HMGN3: variants seen among roughly 807,000 people sequenced by gnomAD.
HMGN3 encodes the protein high mobility group nucleosome-binding domain-containing protein 3.
HMGN3 carries 6 observed loss-of-function variants against 18.8 expected under a neutral mutation model. The ratio of observed to expected loss-of-function variants is 0.32; its 90% CI spans 0.18 to 0.63. The LOEUF (loss-of-function observed/expected upper bound fraction) is 0.63. Ranked by LOEUF, HMGN3 falls within the 30% of genes least tolerant of loss-of-function variation. HMGN3 has a pLI of 0.79. For synonymous variants in HMGN3, 40 were observed against 36.5 expected, an observed-to-expected ratio of 1.10 and a Z score of -0.35; for missense variants, 107 against 114.2, an observed-to-expected ratio of 0.94 and a Z score of 0.29.
intron 1 of HMGN3, among the ~76,000 whole-genome samples, chr6:79,216,044 C>A (rs1476396319): frequency 6.6e-6 from 1 of 152,072 alleles, no homozygotes; most frequent in Non-Finnish European, 1.5e-5. Flanking sequence ...AAAATGAGAA[C>A]AAAATTCAAG....
chr6:79,227,246 GATAT>G (rs949083272), intron 1 of HMGN3, among the ~76,000 whole-genome samples: 2 of 152,118 alleles, frequency 1.3e-5, no homozygotes, highest in African/African-American at 4.8e-5. Flanking sequence ...ATTATATGAA[GATAT>G]TTTTAAACAT....
chr6:79,213,281 A>C lies in HMGN3; in HGVS notation c.66+1691T>G, dbSNP rs547599205. Among the ~76,000 whole-genome samples, 195 of 152,166 alleles carry C rather than the reference A, an allele frequency of 1.3e-3. 1 individual carries two copies. Among genetic ancestry groups the C allele is most frequent in the African/African-American group, 4.5e-3 (189 of 41,540 alleles). The stretch of plus-strand genomic sequence containing the variant: ...AAAATAAAATAAAATAATATGTATA[A>C]GACAGCTGTACAAGCAAAACCACAC... On this transcript the variant is annotated intron_variant, in intron 2 of 5. Coordinates refer to ENST00000344726, the Ensembl canonical transcript of HMGN3.
intron 3 of HMGN3, among the ~76,000 whole-genome samples, chr6:79,205,207 C>A (rs1776359063): frequency 1.3e-5 from 2 of 152,144 alleles, no homozygotes; most frequent in South Asian, 4.1e-4. Context: ...CCCTTAACTG[C>A]CTGGAGATTC....
chr6:79,207,385 C>G (rs2127815920), intron 3 of HMGN3, among the ~76,000 whole-genome samples: 1 of 152,218 alleles, frequency 6.6e-6, no homozygotes, highest in South Asian at 2.1e-4. Flanking sequence ...GTGAATGAGT[C>G]TGGTGAGATC....
intron 2 of HMGN3, among the ~76,000 whole-genome samples, chr6:79,211,465 G>GTTTTTT (rs58861121): frequency 3.7e-5 from 5 of 135,364 alleles, no homozygotes; most frequent in Non-Finnish European, 4.8e-5. Flanking sequence ...AATTTCTCTT[G>GTTTTTT]TTTTTTTTTT....
intron 2 of HMGN3, among the ~76,000 whole-genome samples, chr6:79,209,018 G>C (rs1416980469): frequency 3.9e-5 from 6 of 152,176 alleles, no homozygotes; most frequent in Non-Finnish European, 8.8e-5. Flanking sequence ...CAATTGTGTA[G>C]AAACCAAAAT....
chr6:79,214,304 C>T (rs534412749), intron 2 of HMGN3, among the ~76,000 whole-genome samples: 8 of 151,810 alleles, frequency 5.3e-5, no homozygotes, highest in Non-Finnish European at 2.9e-5. Flanking sequence ...CAGGTTCACA[C>T]CATTCTCCTG....
Position 79,214,982 on chromosome 6 carries a change from G to GT in HMGN3, c.55dup (p.Thr19AsnfsTer2). Reference sequence around the variant, plus strand: ...CAAAGATATACTTACCTCCTGTTTAGTTACTTTGGATCCATCTTTGCCCTC... The same window carrying GT: ...CAAAGATATACTTACCTCCTGTTTAGTTTACTTTGGATCCATCTTTGCCCTC... On this transcript the variant is annotated frameshift_variant, in exon 2 of 6. Coordinates refer to ENST00000344726, the Ensembl canonical transcript of HMGN3. LOFTEE classifies it high-confidence loss of function. 1 of 1,502,900 alleles carries GT rather than the reference G, an allele frequency of 6.7e-7. No individual in the cohort carries two copies. Among genetic ancestry groups the GT allele is most frequent in the Non-Finnish European group, 9.1e-7 (1 of 1,094,776 alleles). 93.1% of individuals were successfully genotyped at this position (1,502,900 alleles called of 1,614,324 possible). A position where few individuals can be genotyped will look rare whatever the true frequency, so the allele number is the denominator to read the frequency against.
At chr6:79,208,621 T>C (rs1776536549) in intron 2 of HMGN3, 45 bp from the exon 3 acceptor site, 1 of 1,435,134 alleles carries the variant, frequency 7.0e-7, no homozygotes, top group Non-Finnish European at 9.8e-7. Context: ...GGTGATTATA[T>C]AAAACGAAGT....
chr6:79,207,245 G>A (rs1478126541), intron 3 of HMGN3, among the ~76,000 whole-genome samples: 1 of 152,072 alleles, frequency 6.6e-6, no homozygotes, highest in Non-Finnish European at 1.5e-5. Flanking sequence ...AGAATGATAT[G>A]GTTTGGCTAT....
At chr6:79,222,860 T>C (rs1777370802) in intron 1 of HMGN3, among the ~76,000 whole-genome samples, 1 of 152,224 alleles carries the variant, frequency 6.6e-6, no homozygotes, top group Non-Finnish European at 1.5e-5. Flanking sequence ...GTTATTTTAT[T>C]GTTCAAGATA....
intron 3 of HMGN3, among the ~76,000 whole-genome samples, chr6:79,205,556 C>T (rs1776382689): frequency 6.6e-6 from 1 of 152,236 alleles, no homozygotes; most frequent in South Asian, 2.1e-4. Context: ...CCACATGGAA[C>T]TGTAAGTCCA....
At chr6:79,209,222 G>A (rs1776565690) in intron 2 of HMGN3, among the ~76,000 whole-genome samples, 1 of 152,130 alleles carries the variant, frequency 6.6e-6, no homozygotes, top group African/African-American at 2.4e-5. Flanking sequence ...AATTTACAGA[G>A]AAACTGTGTA....
chr6:79,231,019 CAG>C (rs1246006564), intron 1 of HMGN3, among the ~76,000 whole-genome samples: 1 of 152,170 alleles, frequency 6.6e-6, no homozygotes, highest in Non-Finnish European at 1.5e-5. Context: ...AAGCTAGAGG[CAG>C]ATGGGCTTTC....
chr6:79,219,538 A>G (rs562555876), intron 1 of HMGN3, among the ~76,000 whole-genome samples: 1 of 152,312 alleles, frequency 6.6e-6, no homozygotes, highest in African/African-American at 2.4e-5. Context: ...AATAAATTTA[A>G]TTAACCACTA....
At chr6:79,212,043 TA>T (rs369391899) in intron 2 of HMGN3, among the ~76,000 whole-genome samples, 35 of 143,778 alleles carry the variant, frequency 2.4e-4, no homozygotes, top group South Asian at 4.4e-4. Context: ...CTTTTAATTC[TA>T]AAAAAAAAAA....
At chr6:79,201,304 T>G (rs536971999) in exon 6 of HMGN3, 1 of 177,972 alleles carries the variant, frequency 5.6e-6, no homozygotes, top group East Asian at 1.4e-4. Context: ...TGGCCACAAC[T>G]ATCCATGTTT....
chr6:79,220,932 T>G (rs1002668709), intron 1 of HMGN3, among the ~76,000 whole-genome samples: 1 of 152,038 alleles, frequency 6.6e-6, no homozygotes, highest in Non-Finnish European at 1.5e-5. Context: ...CTTTAATAAT[T>G]TATTTTCTAA....
chr6:79,234,616 G>C, exon 1 of HMGN3: 11 of 1,573,510 alleles, frequency 7.0e-6, no homozygotes, highest in Non-Finnish European at 8.7e-6. Flanking sequence ...TGCTGGCGCC[G>C]CCGCTGGATG....
Sources: allele counts gnomAD v4.1 joint callset (sites outside exome capture counted in the v4.1 genomes callset), GRCh38; gene constraint gnomAD v4.1.1; transcripts MANE v1.5; gene names NCBI Gene and HGNC (gene_info 2026-07-23, HGNC 2026-07-21).